Variants in CNTNAP5 observed in about 807,000 individuals in gnomAD.
CNTNAP5 encodes contactin-associated protein-like 5.
A neutral mutation model predicts 150.2 loss-of-function variants in CNTNAP5; 72 were observed. The observed-to-expected ratio is 0.48, with a 90% CI of 0.40 to 0.58. The LOEUF is 0.58. CNTNAP5 is among the 20% of genes least tolerant of loss of function. The pLI, the probability that CNTNAP5 is intolerant of heterozygous loss-of-function variation, is 0.00. For synonymous variants in CNTNAP5, 672 were observed against 619.8 expected (o/e 1.08, Z -1.25); for missense variants, 1,636 against 1,626.2 (o/e 1.01, Z -0.10).
chr2:124,292,147 C>T (rs969176600), intron 3 of CNTNAP5, among the ~76,000 whole-genome samples: 3 of 152,082 alleles, frequency 2.0e-5, no homozygotes, highest in Non-Finnish European at 4.4e-5. Context: ...TGAAAAATTA[C>T]ATATTTTTTC....
At chr2:124,431,565 TATATAAA>T (rs1692384676) in intron 4 of CNTNAP5, among the ~76,000 whole-genome samples, 1 of 143,686 alleles carries the variant, frequency 7.0e-6, no homozygotes, top group Non-Finnish European at 1.5e-5. Context: ...ATAATTTCTT[TATATAAA>T]CATTATATAT....
At chr2:124,845,174 G>T (rs1042962541) in intron 19 of CNTNAP5, among the ~76,000 whole-genome samples, 2 of 151,910 alleles carry the variant, frequency 1.3e-5, no homozygotes, top group African/African-American at 2.4e-5. Context: ...TTTGCTGAGG[G>T]TTTTAATCAT....
At chr2:124,823,201 T>C (rs1048923343) in intron 19 of CNTNAP5, among the ~76,000 whole-genome samples, 11 of 152,192 alleles carry the variant, frequency 7.2e-5, no homozygotes, top group African/African-American at 2.7e-4. Context: ...AGATATGAAG[T>C]AGGCTTAGAA....
chr2:124,674,539 CT>C (rs57490462), intron 13 of CNTNAP5, among the ~76,000 whole-genome samples: 2 of 130,220 alleles, frequency 1.5e-5, no homozygotes, highest in South Asian at 2.6e-4. Flanking sequence ...TTCTTTCTTT[CT>C]TTCTTTCTTT....
intron 7 of CNTNAP5, among the ~76,000 whole-genome samples, chr2:124,493,720 A>G (rs961669133): frequency 2.6e-5 from 4 of 152,102 alleles, no homozygotes; most frequent in African/African-American, 9.7e-5. Flanking sequence ...TTACTGATTA[A>G]ATTGAGAAGT....
At chr2:124,855,167 C>CTTTTTTTTTTTTTTTTTTTTTTTTT in intron 19 of CNTNAP5, among the ~76,000 whole-genome samples, 1 of 71,434 alleles carries the variant, frequency 1.4e-5, no homozygotes, top group Non-Finnish European at 2.8e-5. Flanking sequence ...TGGGCTTTTG[C>CTTTTTTTTTTTTTTTTTTTTTTTTT]TTTTTTTTTT....
At chr2:124,806,070 G>A (rs1485294237) in intron 19 of CNTNAP5, among the ~76,000 whole-genome samples, 1 of 152,226 alleles carries the variant, frequency 6.6e-6, no homozygotes, top group African/African-American at 2.4e-5. Flanking sequence ...GCTAGATGCT[G>A]TTCCATGTGC....
chr2:124,295,010 G>T (rs1003587239), intron 3 of CNTNAP5, among the ~76,000 whole-genome samples: 88 of 152,170 alleles, frequency 5.8e-4, no homozygotes, highest in African/African-American at 2.0e-3. Context: ...GGAGGCTGAG[G>T]CATGGGAATT....
rs1678442241 is a variant in CNTNAP5, at chr2:124,902,895, G to A, written c.3450G>A (p.Leu1150=). Residue 1150 remains leucine (L), a synonymous_variant, in exon 22 of 24, where the codon TTG becomes TTA. Coordinates refer to ENST00000682447, the MANE Select transcript of CNTNAP5 (RefSeq NM_001367498.1). ...TLGKVTENLG[L]DSEVAKANAM... ...TTTACATTGCAGAGAATCTTGGTTT[G>A]GATTCTGAAGTTGCTAAAGCAAATG... 13 of 1,607,674 alleles carry A rather than the reference G, an allele frequency of 8.1e-6. No homozygotes were observed. In the East Asian group the frequency reaches 2.9e-4, roughly 36 times the overall value.
At chr2:124,136,149 A>G (rs925066318) in intron 1 of CNTNAP5, among the ~76,000 whole-genome samples, 1 of 152,188 alleles carries the variant, frequency 6.6e-6, no homozygotes, top group Non-Finnish European at 1.5e-5. Context: ...TTGTCTTGTA[A>G]TCACCTGACC....
chr2:124,623,707 C>T (rs1361085260), intron 12 of CNTNAP5, among the ~76,000 whole-genome samples: 1 of 152,212 alleles, frequency 6.6e-6, no homozygotes, highest in Non-Finnish European at 1.5e-5. Flanking sequence ...CTTGGAAACA[C>T]ATCCACTGTC....
intron 1 of CNTNAP5, among the ~76,000 whole-genome samples, chr2:124,121,202 T>C (rs1432039183): frequency 6.6e-6 from 1 of 151,992 alleles, no homozygotes; most frequent in African/African-American, 2.4e-5. Flanking sequence ...GCATACAATT[T>C]GTGGCCTTTG....
intron 3 of CNTNAP5, among the ~76,000 whole-genome samples, chr2:124,408,300 C>T (rs1248878239): frequency 4.6e-5 from 7 of 152,018 alleles, no homozygotes; most frequent in East Asian, 3.9e-4. Flanking sequence ...CGCAGCGAGG[C>T]TGGGGGAGGG....
intron 1 of CNTNAP5, among the ~76,000 whole-genome samples, chr2:124,070,368 A>G (rs961040360): frequency 2.0e-5 from 3 of 149,560 alleles, no homozygotes; most frequent in African/African-American, 7.4e-5. Context: ...AAACTCTCCA[A>G]TAAAGAGAAA....
At chr2:124,782,715 G>A (rs1318634477) in intron 17 of CNTNAP5, among the ~76,000 whole-genome samples, 1 of 152,096 alleles carries the variant, frequency 6.6e-6, no homozygotes, top group Non-Finnish European at 1.5e-5. Context: ...TTAATTTATT[G>A]CTGGTGGGAG....
chr2:124,432,519 A>G (rs2104792797), intron 4 of CNTNAP5, among the ~76,000 whole-genome samples: 1 of 152,240 alleles, frequency 6.6e-6, no homozygotes, highest in South Asian at 2.1e-4. Flanking sequence ...TGTGAGTATT[A>G]ATGTCTGCAT....
chr2:124,463,008 C>T (rs1028652619), intron 6 of CNTNAP5, among the ~76,000 whole-genome samples: 1 of 152,158 alleles, frequency 6.6e-6, no homozygotes, highest in African/African-American at 2.4e-5. Context: ...GTGCAGAGAT[C>T]ATGTTCTGGA....
At chr2:124,842,316 CT>C (rs1421584437) in intron 19 of CNTNAP5, among the ~76,000 whole-genome samples, 5 of 152,024 alleles carry the variant, frequency 3.3e-5, no homozygotes, top group Non-Finnish European at 7.4e-5. Context: ...TGGAGTGTAC[CT>C]TTTATACATG....
At chr2:124,836,728 C>T (rs1234656688) in intron 19 of CNTNAP5, among the ~76,000 whole-genome samples, 1 of 151,918 alleles carries the variant, frequency 6.6e-6, no homozygotes, top group Non-Finnish European at 1.5e-5. Context: ...GTAATATGCC[C>T]CGGGTTGTTT....
Sources: gnomAD v4.1 joint callset for allele counts (sites outside exome capture counted in the v4.1 genomes callset) on GRCh38, gnomAD v4.1.1 for gene constraint, MANE v1.5 for transcripts, NCBI Gene and HGNC (gene_info 2026-07-23, HGNC 2026-07-21) for gene names.